The following KDM4B variants were observed in gnomAD, a reference collection of about 807,000 sequenced individuals.
KDM4B encodes lysine demethylase 4B.
A neutral mutation model predicts 125.2 loss-of-function variants in KDM4B; 32 were observed. The ratio of observed to expected loss-of-function variants is 0.26; its 90% CI spans 0.19 to 0.34. The LOEUF (loss-of-function observed/expected upper bound fraction) is 0.34, where lower values mean the gene tolerates loss of function less well. KDM4B is among the 10% of genes least tolerant of loss of function. The pLI is 1.00. For synonymous variants in KDM4B, 721 were observed against 677.9 expected (o/e 1.06, Z -0.99); for missense variants, 1,190 against 1,577.7 (o/e 0.75, Z 4.16).
chr19:5,028,903 G>A (rs563708569), intron 2 of KDM4B, among the ~76,000 whole-genome samples: 1 of 152,214 alleles, frequency 6.6e-6, no homozygotes, highest in Admixed American at 6.5e-5. Context: ...TCCTTGGCCT[G>A]TTTTTTGCTG....
intron 6 of KDM4B, among the ~76,000 whole-genome samples, chr19:5,070,446 T>C (rs1441203538): frequency 6.6e-6 from 1 of 152,276 alleles, no homozygotes; most frequent in East Asian, 1.9e-4. Flanking sequence ...CTTGGTGATC[T>C]TTCAAATGTA....
Position 5,037,276 on chromosome 19 carries a change from G to T in KDM4B, c.142-2560G>T, listed in dbSNP as rs139846681. 4.7e-4 allele frequency among the ~76,000 whole-genome samples: 72 copies of T among 152,308 alleles called. 1 individual carries two copies. The highest frequency in any genetic ancestry group is 1.6e-3 in the African/African-American group (68 of 41,576). On this transcript the variant is annotated intron_variant, in intron 3 of 22. Transcript: ENST00000159111. ...TTCCTGGAGAGGGGGGACAGTGTCTGTGTGATTCAGAGCAGTGCTGGCCTG... is the reference window on the plus strand; with the variant it reads ...TTCCTGGAGAGGGGGGACAGTGTCTTTGTGATTCAGAGCAGTGCTGGCCTG...
chr19:5,061,420 G>C (rs938819643), intron 6 of KDM4B, among the ~76,000 whole-genome samples: 3 of 152,208 alleles, frequency 2.0e-5, no homozygotes, highest in African/African-American at 7.2e-5. Context: ...GCTCAATAAG[G>C]CTGTTTCCTG....
intron 6 of KDM4B, among the ~76,000 whole-genome samples, chr19:5,068,756 G>C (rs1412309687): frequency 6.6e-6 from 1 of 152,242 alleles, no homozygotes; most frequent in Admixed American, 6.5e-5. Flanking sequence ...TGTGATTTCT[G>C]TGGGGGCTGC....
chr19:5,089,300 A>G (rs977994778), intron 9 of KDM4B, among the ~76,000 whole-genome samples: 2 of 152,214 alleles, frequency 1.3e-5, no homozygotes, highest in Non-Finnish European at 2.9e-5. Context: ...GCCATGGGTT[A>G]CACATGTGTC....
chr19:5,068,880 C>T (rs1046856376), intron 6 of KDM4B, among the ~76,000 whole-genome samples: 5 of 152,246 alleles, frequency 3.3e-5, no homozygotes, highest in African/African-American at 1.2e-4. Flanking sequence ...CTTATCTTTA[C>T]AACTCCCAAT....
intron 11 of KDM4B, 75 bp from the exon 12 acceptor site, chr19:5,131,001 G>A (rs2039532451): frequency 8.8e-7 from 1 of 1,133,968 alleles, no homozygotes; most frequent in South Asian, 1.7e-5. Flanking sequence ...TCAAAGTTGG[G>A]GGATTTCTGG....
At chr19:5,103,658 C>T (rs1358243089) in intron 9 of KDM4B, among the ~76,000 whole-genome samples, 1 of 152,202 alleles carries the variant, frequency 6.6e-6, no homozygotes, top group Admixed American at 6.5e-5. Flanking sequence ...AGCAGCTGGT[C>T]GAGCCTCCTG....
intron 1 of KDM4B, among the ~76,000 whole-genome samples, chr19:4,970,245 G>C (rs1041240679): frequency 1.3e-5 from 2 of 152,206 alleles, no homozygotes; most frequent in Non-Finnish European, 2.9e-5. Flanking sequence ...ACTGCTTTTG[G>C]GTGCATCCCA....
intron 5 of KDM4B, chr19:5,047,152 C>G: frequency 4.1e-6 from 1 of 242,032 alleles, no homozygotes. Context: ...TAAAAATTAG[C>G]CAGGTGTGGT....
intron 9 of KDM4B, among the ~76,000 whole-genome samples, chr19:5,093,886 C>T (rs1242589998): frequency 2.0e-5 from 3 of 152,220 alleles, no homozygotes; most frequent in South Asian, 2.1e-4. Flanking sequence ...GGTGCAGGGA[C>T]GCTGCAGCTG....
chr19:5,049,662 C>T (rs1056596164), intron 6 of KDM4B, among the ~76,000 whole-genome samples: 12 of 152,092 alleles, frequency 7.9e-5, no homozygotes, highest in Non-Finnish European at 1.5e-4. Flanking sequence ...TGAGGCGGGG[C>T]CCCAGATGTT....
chr19:5,060,991 C>T (rs2037576594), intron 6 of KDM4B, among the ~76,000 whole-genome samples: 3 of 152,226 alleles, frequency 2.0e-5, no homozygotes, highest in South Asian at 4.1e-4. Flanking sequence ...TGGCTTGCCT[C>T]GGCGAGTCTG....
At chr19:5,097,691 G>T (rs2038854133) in intron 9 of KDM4B, among the ~76,000 whole-genome samples, 1 of 152,266 alleles carries the variant, frequency 6.6e-6, no homozygotes. Context: ...TGCCCTGTGT[G>T]TCGGGAGGCT....
Position 4,997,590 on chromosome 19 carries a change from C to T in KDM4B, c.-108-18667C>T, listed in dbSNP as rs1339225351. 1.3e-5 allele frequency among the ~76,000 whole-genome samples: 2 copies of T among 152,204 alleles called. No homozygotes were observed. Among genetic ancestry groups the T allele is most frequent in the African/African-American group, 4.8e-5 (2 of 41,448 alleles). On this transcript the variant is annotated intron_variant, in intron 1 of 22. Transcript: ENST00000159111. The surrounding 1 kb of genome is among the most constrained non-coding windows in gnomAD (Gnocchi z 4.2). ...CACTTCCTGCCTGTGCCTCAGTTTC[C>T]TCTCCTGGGAAATGGGCTGGAATAG...
At chr19:5,007,490 T>TGCAAAA (rs946823110) in intron 1 of KDM4B, among the ~76,000 whole-genome samples, 4 of 152,192 alleles carry the variant, frequency 2.6e-5, no homozygotes, top group Non-Finnish European at 5.9e-5. Context: ...GATAATGTTT[T>TGCAAAA]GCAAATATAT....
chr19:5,000,819 T>C (rs925751736), intron 1 of KDM4B, among the ~76,000 whole-genome samples: 1 of 152,212 alleles, frequency 6.6e-6, no homozygotes, highest in Non-Finnish European at 1.5e-5. Flanking sequence ...GCCTGTTGAT[T>C]GATTTCTTGA....
intron 9 of KDM4B, among the ~76,000 whole-genome samples, chr19:5,091,387 CG>C (rs2038700685): frequency 6.6e-6 from 1 of 152,150 alleles, no homozygotes. Context: ...CCAGCCTCCC[CG>C]GGGACATCTC....
intron 3 of KDM4B, among the ~76,000 whole-genome samples, chr19:5,037,891 C>A (rs1221035008): frequency 6.6e-6 from 1 of 152,370 alleles, no homozygotes; most frequent in East Asian, 1.9e-4. Context: ...CTGTGCATGC[C>A]GGCCACGGAG....
Sources: gnomAD v4.1 joint callset for allele counts (sites outside exome capture counted in the v4.1 genomes callset) on GRCh38, gnomAD v4.1.1 for gene constraint, Gnocchi (gnomAD v3.1) non-coding constraint, MANE v1.5 for transcripts, NCBI Gene and HGNC (gene_info 2026-07-23, HGNC 2026-07-21) for gene names.